The following CDKL1 variants were observed in gnomAD, a reference collection of about 807,000 sequenced individuals.
CDKL1 encodes the protein cyclin dependent kinase like 1.
CDKL1 carries 41 observed loss-of-function variants against 42.0 expected under a neutral mutation model. The observed-to-expected ratio is 0.98, with a 90% CI of 0.76 to 1.27. The LOEUF (loss-of-function observed/expected upper bound fraction) is 1.27, where lower values mean the gene tolerates loss of function less well. Among genes scored for constraint, CDKL1 ranks in the 50% most tolerant of loss-of-function variants. CDKL1 has a pLI of 0.00. For missense variants in CDKL1, 394 were observed against 428.4 expected, an observed-to-expected ratio of 0.92 and a Z score of 0.71; for synonymous variants, 153 against 158.6, an observed-to-expected ratio of 0.96 and a Z score of 0.26.
intron 7 of CDKL1, chr14:50,335,544 G>A (rs1286205822): frequency 1.3e-6 from 2 of 1,536,088 alleles, no homozygotes; most frequent in African/African-American, 2.7e-5. Context: ...ACGTGCTGGA[G>A]ACAATCAGGA....
At chr14:50,340,940 G>T in intron 6 of CDKL1, 92 bp downstream of exon 6, 1 of 1,346,988 alleles carries the variant, frequency 7.4e-7, no homozygotes, top group Non-Finnish European at 1.0e-6. Flanking sequence ...TGCCTTAAAG[G>T]GCATTAGGTG....
chr14:50,354,923 T>C (rs1052086618), intron 3 of CDKL1, among the ~76,000 whole-genome samples: 6 of 152,174 alleles, frequency 3.9e-5, no homozygotes, highest in African/African-American at 1.4e-4. Flanking sequence ...ATGAAAAATA[T>C]AAAAGCACAA....
chr14:50,375,976 T>C (rs562738372), intron 2 of CDKL1, among the ~76,000 whole-genome samples: 32 of 152,262 alleles, frequency 2.1e-4, no homozygotes, highest in Admixed American at 2.0e-3. Context: ...ATCAAAAACA[T>C]GTAAACTCTG....
chr14:50,342,425 A>G lies in CDKL1; in HGVS notation c.364-203T>C, dbSNP rs543096201. 1.4e-4 allele frequency: 186 copies of G among 1,346,934 alleles called. 2 individuals are homozygous for G. In the South Asian group the frequency reaches 3.4e-3, roughly 25 times the overall value. The allele number at this position is 1,346,934 out of a possible 1,614,324, so 83.4% of individuals were successfully genotyped here. ...TCATCCCAAATTCCTAAAAGGCCCA[A>G]AAGAGCCAAGAAGAGTGAAAGGAAA... On this transcript the variant is annotated intron_variant, in intron 4 of 9. Coordinates refer to ENST00000395834, the MANE Select transcript of CDKL1 (RefSeq NM_004196.7).
intron 2 of CDKL1, among the ~76,000 whole-genome samples, chr14:50,393,647 C>G (rs1214671855): frequency 6.6e-6 from 1 of 152,106 alleles, no homozygotes; most frequent in East Asian, 1.9e-4. Flanking sequence ...CATGCCCAGC[C>G]TAGTACGTAT....
intron 8 of CDKL1, chr14:50,332,990 T>A (rs1170913835): frequency 3.9e-6 from 1 of 256,226 alleles, no homozygotes. Flanking sequence ...AGGAGAGGCA[T>A]AACGTACATG....
At chr14:50,388,394 A>G (rs1016311778) in intron 2 of CDKL1, among the ~76,000 whole-genome samples, 2 of 152,220 alleles carry the variant, frequency 1.3e-5, no homozygotes, top group Non-Finnish European at 2.9e-5. Context: ...TGACAGTCCT[A>G]CTTCTTAAAG....
intron 3 of CDKL1, among the ~76,000 whole-genome samples, chr14:50,346,496 G>A (rs912381658): frequency 1.3e-5 from 2 of 151,738 alleles, no homozygotes; most frequent in African/African-American, 2.4e-5. Context: ...GGGTCTTGCT[G>A]TGCTGCCCAG....
At chr14:50,351,043 T>A (rs868320925) in intron 3 of CDKL1, among the ~76,000 whole-genome samples, 1 of 152,132 alleles carries the variant, frequency 6.6e-6, no homozygotes, top group South Asian at 2.1e-4. Context: ...CCCAGGAACA[T>A]AAAGGGTTCC....
intron 1 of CDKL1, 145 bp from the exon 2 acceptor site, chr14:50,396,474 A>C (rs1056125135): frequency 2.4e-5 from 24 of 983,984 alleles, no homozygotes; most frequent in Non-Finnish European, 2.8e-5. Flanking sequence ...TTAAAATGTA[A>C]CTTGCCATCC....
intron 2 of CDKL1, among the ~76,000 whole-genome samples, chr14:50,387,229 T>TG (rs1417194226): frequency 1.6e-5 from 1 of 64,088 alleles, no homozygotes; most frequent in Admixed American, 1.8e-4. Context: ...AAAATGGGGG[T>TG]GGGGGTGGTG....
intron 2 of CDKL1, among the ~76,000 whole-genome samples, chr14:50,381,401 A>T (rs1482313977): frequency 6.6e-6 from 1 of 152,230 alleles, no homozygotes; most frequent in Non-Finnish European, 1.5e-5. Context: ...CAAGCAAGTG[A>T]CAAAGAGGTA....
intron 6 of CDKL1, among the ~76,000 whole-genome samples, chr14:50,340,225 T>A (rs2033462313): frequency 6.6e-6 from 1 of 152,202 alleles, no homozygotes; most frequent in South Asian, 2.1e-4. Context: ...AGCAAACATT[T>A]ATTGCCTACA....
intron 2 of CDKL1, among the ~76,000 whole-genome samples, chr14:50,385,070 C>CAAAAAAAA (rs55719234): frequency 2.9e-4 from 27 of 93,554 alleles, no homozygotes; most frequent in South Asian, 4.6e-4. Context: ...GACTCTGTCT[C>CAAAAAAAA]AAAAAAAAAA....
At chr14:50,342,298 A>G in intron 4 of CDKL1, 76 bp from the exon 5 acceptor site, 1 of 1,515,396 alleles carries the variant, frequency 6.6e-7, no homozygotes, top group South Asian at 1.1e-5. Flanking sequence ...ATGACTATTT[A>G]GCAAATATTG....
Position 50,330,108 on chromosome 14 carries a change from G to GT in CDKL1, c.1039dup (p.Thr347AsnfsTer5), listed in dbSNP as rs1372984917. 6.2e-7 allele frequency: 1 copy of GT among 1,609,964 alleles called. No individual in the cohort carries two copies. The highest frequency in any genetic ancestry group is 8.5e-7 in the Non-Finnish European group (1 of 1,179,212). Reference sequence around the variant, plus strand: ...TGGAAAACGGTAGTTAAGTTTCTTGGTATCACAGTAGTACTTCTTATTATC... The same window carrying GT: ...TGGAAAACGGTAGTTAAGTTTCTTGGTTATCACAGTAGTACTTCTTATTATC... On this transcript the variant is annotated frameshift_variant, in exon 10 of 10. Transcript: ENST00000395834. LOFTEE classifies it high-confidence loss of function.
At chr14:50,361,856 A>G (rs2034259109) in intron 2 of CDKL1, among the ~76,000 whole-genome samples, 1 of 152,190 alleles carries the variant, frequency 6.6e-6, no homozygotes, top group Admixed American at 6.5e-5. Flanking sequence ...CTTTGGCGGC[A>G]CTTGAGGAGC....
Position 50,332,267 on chromosome 14 carries a change from A to C in CDKL1, c.961T>G (p.Ser321Ala). Residue 321 changes from serine (S) to alanine (A), a missense_variant, in exon 9 of 10, where the codon TCC (serine) becomes GCC (alanine). Coordinates refer to ENST00000395834, the MANE Select transcript of CDKL1 (RefSeq NM_004196.7). ...SRKHHCFTET[S>A]KLQYLPQLTG... ...AGATCATTTCAAATTATAACCTTGG[A>C]TGTTTCTGTAAAGCAGTGGTGCTTT... 6.2e-7 allele frequency: 1 copy of C among 1,614,070 alleles called. No individual in the cohort carries two copies. The highest frequency in any genetic ancestry group is 8.5e-7 in the Non-Finnish European group (1 of 1,179,986).
chr14:50,339,599 A>G lies in CDKL1; in HGVS notation c.656-570T>C, dbSNP rs73281191. 4.3e-3 allele frequency among the ~76,000 whole-genome samples: 647 copies of G among 152,232 alleles called. 4 individuals carry two copies. Among genetic ancestry groups the G allele is most frequent in the African/African-American group, 0.015 (618 of 41,508 alleles). ...CACGGATTTTCTAGCTAGAAGGAAT[A>G]CATTTCCACATTGGGACCATCTTTT... On this transcript the variant is annotated intron_variant, in intron 6 of 9. Transcript: ENST00000395834.
Sources: allele counts gnomAD v4.1 joint callset (sites outside exome capture counted in the v4.1 genomes callset), GRCh38; gene constraint gnomAD v4.1.1; transcripts MANE v1.5; gene names NCBI Gene and HGNC (gene_info 2026-07-23, HGNC 2026-07-21).